The following RAD51B variants were observed in gnomAD, a reference collection of about 807,000 sequenced individuals.
RAD51B encodes RAD51 paralog B.
A neutral mutation model predicts 42.2 loss-of-function variants in RAD51B; 38 were observed. The ratio of observed to expected loss-of-function variants is 0.90; its 90% CI spans 0.70 to 1.18. The LOEUF is 1.18. Ranked by LOEUF, RAD51B falls within the 50% of genes most tolerant of loss-of-function variation. The pLI, the probability that RAD51B is intolerant of heterozygous loss-of-function variation, is 0.00. For missense variants in RAD51B, 373 were observed against 400.7 expected (o/e 0.93, Z 0.59); for synonymous variants, 154 against 145.2 (o/e 1.06, Z -0.43).
intron 9 of RAD51B, among the ~76,000 whole-genome samples, chr14:68,452,586 C>T (rs1283165799): frequency 6.6e-6 from 1 of 152,270 alleles, no homozygotes; most frequent in East Asian, 1.9e-4. Context: ...CACATAGGCA[C>T]TCTCACATGG....
intron 7 of RAD51B, among the ~76,000 whole-genome samples, chr14:67,983,241 A>G (rs1440420417): frequency 1.3e-5 from 2 of 152,204 alleles, no homozygotes; most frequent in African/African-American, 4.8e-5. Flanking sequence ...TTTTCTTGGT[A>G]TTTAATGTAT....
At chr14:68,550,859 A>C (rs1225368941) in intron 10 of RAD51B, among the ~76,000 whole-genome samples, 1 of 152,198 alleles carries the variant, frequency 6.6e-6, no homozygotes, top group African/African-American at 2.4e-5. Flanking sequence ...TTTCCAGAGA[A>C]GGAGTTGCTT....
At chr14:68,197,150 A>G (rs1243802817) in intron 7 of RAD51B, among the ~76,000 whole-genome samples, 5 of 152,170 alleles carry the variant, frequency 3.3e-5, no homozygotes, top group Non-Finnish European at 7.4e-5. Flanking sequence ...TTAAGTGGAC[A>G]ATTCAATGAG....
intron 10 of RAD51B, among the ~76,000 whole-genome samples, chr14:68,472,964 G>A (rs1187886064): frequency 6.6e-6 from 1 of 152,124 alleles, no homozygotes; most frequent in Non-Finnish European, 1.5e-5. Context: ...TTGTTCCCTT[G>A]TCACAAACTT....
chr14:68,352,604 A>G (rs1162224008), intron 8 of RAD51B, among the ~76,000 whole-genome samples: 3 of 152,256 alleles, frequency 2.0e-5, no homozygotes, highest in African/African-American at 7.2e-5. Context: ...GAGGTGTTAC[A>G]AACTATTTCC....
chr14:67,859,551 G>A (rs554730702), intron 4 of RAD51B, among the ~76,000 whole-genome samples: 123 of 152,256 alleles, frequency 8.1e-4, no homozygotes, highest in African/African-American at 2.8e-3. Context: ...TGAAATACTG[G>A]CTAACAATAG....
chr14:68,151,189 G>T (rs2078371506), intron 7 of RAD51B, among the ~76,000 whole-genome samples: 1 of 151,758 alleles, frequency 6.6e-6, no homozygotes, highest in South Asian at 2.1e-4. Flanking sequence ...TAGAATTCTA[G>T]ATTGATAGAT....
intron 7 of RAD51B, among the ~76,000 whole-genome samples, chr14:68,244,940 A>G (rs758949266): frequency 6.6e-6 from 1 of 152,214 alleles, no homozygotes; most frequent in African/African-American, 2.4e-5. Context: ...ATGTCCTAAC[A>G]TTTGGGTAGA....
At chr14:68,543,647 T>C (rs527958316) in intron 10 of RAD51B, among the ~76,000 whole-genome samples, 3 of 152,354 alleles carry the variant, frequency 2.0e-5, no homozygotes, top group East Asian at 1.9e-4. Flanking sequence ...TGATCACCCA[T>C]GTTCATATTC....
chr14:67,913,268 A>G (rs1005121266), intron 7 of RAD51B, among the ~76,000 whole-genome samples: 51 of 152,144 alleles, frequency 3.4e-4, no homozygotes, highest in African/African-American at 1.1e-3. Flanking sequence ...AGAATCATCT[A>G]ATGGTGCTTT....
intron 7 of RAD51B, among the ~76,000 whole-genome samples, chr14:68,054,541 A>G (rs567900863): frequency 6.6e-6 from 1 of 152,314 alleles, no homozygotes; most frequent in East Asian, 1.9e-4. Flanking sequence ...CTTCTTCAAC[A>G]GCAAGAAGCC....
intron 4 of RAD51B, among the ~76,000 whole-genome samples, chr14:67,853,653 TGGTG>T (rs2041894832): frequency 6.6e-6 from 1 of 152,182 alleles, no homozygotes; most frequent in Non-Finnish European, 1.5e-5. Context: ...CAGATAGATC[TGGTG>T]GGTGGGTGGG....
intron 7 of RAD51B, among the ~76,000 whole-genome samples, chr14:68,023,896 G>T (rs1302709213): frequency 6.6e-6 from 1 of 151,994 alleles, no homozygotes; most frequent in Non-Finnish European, 1.5e-5. Context: ...TTTGCTTTTG[G>T]GGGCTTAGCT....
At chr14:67,960,970 A>G (rs1003497033) in intron 7 of RAD51B, among the ~76,000 whole-genome samples, 2 of 151,988 alleles carry the variant, frequency 1.3e-5, no homozygotes, top group African/African-American at 4.8e-5. Flanking sequence ...GTGCCTGGCT[A>G]CAGAATTTCC....
chr14:68,060,803 A>G (rs186560223), intron 7 of RAD51B, among the ~76,000 whole-genome samples: 37 of 152,222 alleles, frequency 2.4e-4, no homozygotes, highest in African/African-American at 8.7e-4. Context: ...AATATTAAAT[A>G]TTTTTCCCAG....
chr14:68,039,312 C>T (rs369862978), intron 7 of RAD51B, among the ~76,000 whole-genome samples: 25 of 151,580 alleles, frequency 1.6e-4, no homozygotes, highest in Middle Eastern at 6.8e-3. Flanking sequence ...CCTGTAATCC[C>T]AGCTACTCAG....
intron 10 of RAD51B, among the ~76,000 whole-genome samples, chr14:68,510,326 C>G (rs772434519): frequency 9.2e-5 from 14 of 152,214 alleles, no homozygotes; most frequent in Non-Finnish European, 1.6e-4. Flanking sequence ...AAACACTGGA[C>G]CAAATTAGAC....
intron 8 of RAD51B, among the ~76,000 whole-genome samples, chr14:68,387,444 G>C (rs1326493403): frequency 1.3e-5 from 2 of 152,136 alleles, no homozygotes; most frequent in Non-Finnish European, 2.9e-5. Context: ...ATGATGGCAC[G>C]TTTTTGTTAA....
At chr14:68,149,541 C>A (rs1595472460) in intron 7 of RAD51B, 1 of 152,156 alleles carries the variant, frequency 6.6e-6, no homozygotes, top group East Asian at 1.9e-4. Context: ...TTCTATTTAT[C>A]TAGTTATCTA....
Sources: gnomAD v4.1 joint callset for allele counts (sites outside exome capture counted in the v4.1 genomes callset) on GRCh38, gnomAD v4.1.1 for gene constraint, MANE v1.5 for transcripts, NCBI Gene and HGNC (gene_info 2026-07-23, HGNC 2026-07-21) for gene names.